The following CACNA2D3 variants were observed in gnomAD, a reference collection of about 807,000 sequenced individuals.
The protein encoded by CACNA2D3 is voltage-dependent calcium channel subunit alpha-2/delta-3.
A neutral mutation model predicts 160.6 loss-of-function variants in CACNA2D3; 60 were observed. That is an observed-to-expected ratio of 0.37 (90% CI 0.30 to 0.46). The LOEUF (loss-of-function observed/expected upper bound fraction) is 0.46. CACNA2D3 is among the 20% of genes least tolerant of loss of function. The pLI is 1.00. For missense variants in CACNA2D3, 1,205 were observed against 1,365.0 expected (o/e 0.88, Z 1.85); for synonymous variants, 558 against 492.9 (o/e 1.13, Z -1.75).
intron 13 of CACNA2D3, among the ~76,000 whole-genome samples, chr3:54,814,926 C>T (rs1294172118): frequency 6.6e-6 from 1 of 152,210 alleles, no homozygotes; most frequent in Non-Finnish European, 1.5e-5. Context: ...ATTTGTCATA[C>T]TCATGGCCCC....
chr3:54,887,830 A>G (rs1699961274), intron 23 of CACNA2D3, 129 bp from the exon 24 acceptor site: 1 of 696,168 alleles, frequency 1.4e-6, no homozygotes, highest in South Asian at 1.7e-5. Context: ...ACTAGTGGGA[A>G]CTTAACTCAT....
intron 2 of CACNA2D3, among the ~76,000 whole-genome samples, chr3:54,252,772 T>A (rs553330150): frequency 2.4e-3 from 364 of 152,300 alleles, no homozygotes; most frequent in Non-Finnish European, 4.1e-3. Flanking sequence ...CTTCCTGTGC[T>A]CCTACCATCC....
intron 12 of CACNA2D3, among the ~76,000 whole-genome samples, chr3:54,761,913 A>C (rs1489755061): frequency 6.6e-6 from 1 of 152,172 alleles, no homozygotes; most frequent in African/African-American, 2.4e-5. Flanking sequence ...TCTGGACAAC[A>C]GCAGGGCTGG....
chr3:54,722,345 G>T (rs1474050439), intron 11 of CACNA2D3, among the ~76,000 whole-genome samples: 3 of 152,116 alleles, frequency 2.0e-5, no homozygotes, highest in Admixed American at 1.3e-4. Flanking sequence ...CCTTGCATTG[G>T]GTTAGAACAT....
chr3:54,992,460 C>CA (rs1375245486), intron 31 of CACNA2D3, among the ~76,000 whole-genome samples: 1 of 152,108 alleles, frequency 6.6e-6, no homozygotes, highest in Non-Finnish European at 1.5e-5. Flanking sequence ...GAGATCCCTG[C>CA]AGGACACAAT....
chr3:54,772,241 G>A (rs996128990), intron 13 of CACNA2D3, among the ~76,000 whole-genome samples: 12 of 151,016 alleles, frequency 7.9e-5, no homozygotes, highest in South Asian at 4.2e-4. Context: ...TTAAGGAAAA[G>A]GAATTCCTCT....
intron 11 of CACNA2D3, among the ~76,000 whole-genome samples, chr3:54,691,541 G>T (rs1426292326): frequency 6.6e-6 from 1 of 152,154 alleles, no homozygotes; most frequent in Non-Finnish European, 1.5e-5. Context: ...CCTAGAGGAG[G>T]TTATCAGAAT....
At chr3:54,141,082 TGTGTGCGC>T (rs2091545148) in intron 2 of CACNA2D3, among the ~76,000 whole-genome samples, 1 of 112,686 alleles carries the variant, frequency 8.9e-6, no homozygotes, top group African/African-American at 3.7e-5. Context: ...TGTGTGTGTG[TGTGTGCGC>T]GCGCGCGCGT....
intron 27 of CACNA2D3, among the ~76,000 whole-genome samples, chr3:54,907,032 G>C (rs1456913959): frequency 6.6e-6 from 1 of 152,148 alleles, no homozygotes; most frequent in African/African-American, 2.4e-5. Flanking sequence ...CACTCTCCAG[G>C]ACACTTGCTC....
At chr3:54,453,648 A>G (rs1187674961) in intron 4 of CACNA2D3, among the ~76,000 whole-genome samples, 1 of 152,058 alleles carries the variant, frequency 6.6e-6, no homozygotes, top group African/African-American at 2.4e-5. Flanking sequence ...GATTCAAACA[A>G]TGTCTTGCTC....
At chr3:54,429,415 G>A (rs1173289168) in intron 4 of CACNA2D3, among the ~76,000 whole-genome samples, 2 of 149,558 alleles carry the variant, frequency 1.3e-5, no homozygotes, top group Non-Finnish European at 1.5e-5. Flanking sequence ...TTCTTCTCTC[G>A]TAATTTTCAA....
intron 3 of CACNA2D3, among the ~76,000 whole-genome samples, chr3:54,363,762 C>A (rs1281427719): frequency 6.6e-6 from 1 of 152,174 alleles, no homozygotes; most frequent in African/African-American, 2.4e-5. Context: ...AGCATTATGA[C>A]AATGAGGATT....
intron 27 of CACNA2D3, among the ~76,000 whole-genome samples, chr3:54,950,889 A>C (rs1415205289): frequency 6.6e-6 from 1 of 152,190 alleles, no homozygotes; most frequent in African/African-American, 2.4e-5. Context: ...AGAGCCACAG[A>C]CAAGATGGGG....
intron 2 of CACNA2D3, among the ~76,000 whole-genome samples, chr3:54,143,732 C>G (rs1377391007): frequency 6.6e-6 from 1 of 152,170 alleles, no homozygotes; most frequent in African/African-American, 2.4e-5. Flanking sequence ...ATGTTCTGAT[C>G]TTGTGATCCA....
At chr3:54,993,885 A>AGTGTGTGTGTGT (rs34012508) in intron 31 of CACNA2D3, among the ~76,000 whole-genome samples, 260 of 111,524 alleles carry the variant, frequency 2.3e-3, no homozygotes, top group African/African-American at 8.1e-3. Flanking sequence ...TGCAACTGCT[A>AGTGTGTGTGTGT]GTGTGTGTGT....
At chr3:54,546,714 G>A (rs1031976850) in intron 5 of CACNA2D3, among the ~76,000 whole-genome samples, 11 of 31,198 alleles carry the variant, frequency 3.5e-4, no homozygotes, top group Non-Finnish European at 1.1e-4. Context: ...ACACACGCGC[G>A]CACACACACA....
chr3:54,699,889 A>C (rs1260922083), intron 11 of CACNA2D3, among the ~76,000 whole-genome samples: 41 of 152,148 alleles, frequency 2.7e-4, no homozygotes, highest in Admixed American at 2.7e-3. Context: ...GACAGTTTAT[A>C]TTCTTACTAA....
chr3:54,292,253 C>T (rs1703225827), intron 2 of CACNA2D3, among the ~76,000 whole-genome samples: 1 of 152,080 alleles, frequency 6.6e-6, no homozygotes, highest in Non-Finnish European at 1.5e-5. Context: ...TGTCAAATTT[C>T]ATGACCTTGG....
chr3:55,042,575 G>GTCTT (rs1257846570), intron 35 of CACNA2D3, among the ~76,000 whole-genome samples: 1 of 151,824 alleles, frequency 6.6e-6, no homozygotes, highest in Non-Finnish European at 1.5e-5. Flanking sequence ...ATATGTTTTG[G>GTCTT]TCTTTCTTTT....
Sources: gnomAD v4.1 joint callset for allele counts (sites outside exome capture counted in the v4.1 genomes callset) on GRCh38, gnomAD v4.1.1 for gene constraint, MANE v1.5 for transcripts, NCBI Gene and HGNC (gene_info 2026-07-23, HGNC 2026-07-21) for gene names.